The following PLEK variants were observed in gnomAD, a reference collection of about 807,000 sequenced individuals.
PLEK encodes the protein platelet 47 kDa protein.
In PLEK, 25 loss-of-function variants were observed where a neutral mutation model predicts 43.9. The ratio of observed to expected loss-of-function variants is 0.57; its 90% CI spans 0.41 to 0.79. The LOEUF is 0.79. Among genes scored for constraint, PLEK ranks in the 30% least tolerant of loss-of-function variants. PLEK has a pLI of 0.00. For missense variants in PLEK, 396 were observed against 413.3 expected, an observed-to-expected ratio of 0.96 and a Z score of 0.36; for synonymous variants, 152 against 144.4, an observed-to-expected ratio of 1.05 and a Z score of -0.38.
chr2:68,366,321 G>A (rs1573066012), intron 1 of PLEK, among the ~76,000 whole-genome samples: 1 of 152,200 alleles, frequency 6.6e-6, no homozygotes, highest in African/African-American at 2.4e-5. Flanking sequence ...AACCTACAAT[G>A]TTCTACCTGT....
chr2:68,383,771 C>T (rs1673680291), intron 4 of PLEK, among the ~76,000 whole-genome samples: 1 of 152,092 alleles, frequency 6.6e-6, no homozygotes, highest in African/African-American at 2.4e-5. Context: ...AATGTGGAAT[C>T]TAAGAGGATG....
intron 3 of PLEK, among the ~76,000 whole-genome samples, chr2:68,382,082 A>T (rs1172456820): frequency 6.6e-6 from 1 of 152,182 alleles, no homozygotes; most frequent in Admixed American, 6.5e-5. Flanking sequence ...TGCTTAGTGG[A>T]AGCATTCACT....
intron 6 of PLEK, among the ~76,000 whole-genome samples, chr2:68,390,723 A>T (rs1210165325): frequency 6.6e-6 from 1 of 152,202 alleles, no homozygotes; most frequent in East Asian, 1.9e-4. Flanking sequence ...AGCCAGGATT[A>T]ACTTCATAGA....
At chr2:68,376,412 T>C (rs1673501973) in intron 1 of PLEK, among the ~76,000 whole-genome samples, 1 of 152,220 alleles carries the variant, frequency 6.6e-6, no homozygotes, top group African/African-American at 2.4e-5. Context: ...CCTGAAGGCA[T>C]CCTTCCTGCG....
chr2:68,367,638 T>C (rs1673309124), intron 1 of PLEK, among the ~76,000 whole-genome samples: 1 of 152,206 alleles, frequency 6.6e-6, no homozygotes, highest in Non-Finnish European at 1.5e-5. Flanking sequence ...GACATATAAT[T>C]GGTGTACATA....
intron 3 of PLEK, 106 bp downstream of exon 3, chr2:68,381,010 T>C: frequency 1.1e-6 from 1 of 939,344 alleles, no homozygotes; most frequent in African/African-American, 1.6e-5. Flanking sequence ...TTGTATCCAC[T>C]CTGCCAGGTC....
chr2:68,388,405 T>G lies in PLEK; in HGVS notation c.676T>G (p.Cys226Gly). The part of the protein sequence containing the change: ...FYYFPDSGFF[C>G]EENSSDDDVI... ...CCAACAGCCAGACAGTGGGTTCTTCTGTGAAGAGAATTCCAGTGATGATGA... is the reference window on the plus strand; with the variant it reads ...CCAACAGCCAGACAGTGGGTTCTTCGGTGAAGAGAATTCCAGTGATGATGA... Residue 226 changes from cysteine to glycine, a missense_variant, in exon 6 of 9, where the codon TGT becomes GGT. Coordinates refer to ENST00000234313, the MANE Select transcript of PLEK (RefSeq NM_002664.3). 1.9e-6 allele frequency: 3 copies of G among 1,607,968 alleles called. No individual in the cohort carries two copies. The highest frequency in any genetic ancestry group is 1.7e-6 in the Non-Finnish European group (2 of 1,174,394).
Position 68,380,417 on chromosome 2 carries a change from C to T in PLEK, c.132C>T (p.Pro44=). The change falls in exon 2 of 9, where the codon CCC becomes CCT. Residue 44 remains proline (P), a synonymous_variant. Coordinates refer to ENST00000234313, the MANE Select transcript of PLEK (RefSeq NM_002664.3). ...ATAAGAAGAAAAGTGACAACAGCCC[C>T]AAAGGAATGATCCCGCTGAAAGGGA... is the stretch of plus-strand genomic sequence containing the variant. ...EFYKKKSDNS[P]KGMIPLKGST... is the part of the protein sequence containing the mutation. 1.1e-5 allele frequency: 17 copies of T among 1,613,864 alleles called. No homozygotes were observed. The highest frequency in any genetic ancestry group is 1.4e-5 in the Non-Finnish European group (17 of 1,179,770).
Position 68,395,767 on chromosome 2 carries a change from G to T in PLEK, c.1004G>T (p.Arg335Leu). ...YFLQAATPKE[R>L]TEWIRAIQMA... The stretch of plus-strand genomic sequence containing the variant: ...TTGCAAGCAGCCACCCCCAAGGAGC[G>T]CACAGAGTGGATCAGAGCCATCCAG... Residue 335 changes from arginine to leucine, a missense_variant, in exon 9 of 9, where the codon CGC becomes CTC. Coordinates refer to ENST00000234313, the MANE Select transcript of PLEK (RefSeq NM_002664.3). 3.7e-6 allele frequency: 6 copies of T among 1,613,558 alleles called. No individual in the cohort carries two copies. Among genetic ancestry groups the T allele is most frequent in the East Asian group, 2.2e-5 (1 of 44,856 alleles).
intron 1 of PLEK, among the ~76,000 whole-genome samples, chr2:68,375,225 G>A (rs1273058465): frequency 6.6e-6 from 1 of 152,086 alleles, no homozygotes; most frequent in Non-Finnish European, 1.5e-5. Context: ...GAAAATGCTA[G>A]GTACTCTAGC....
At chr2:68,392,538 A>G (rs1347061770) in intron 6 of PLEK, among the ~76,000 whole-genome samples, 2 of 152,152 alleles carry the variant, frequency 1.3e-5, no homozygotes, top group African/African-American at 2.4e-5. Flanking sequence ...GCTACTCTTC[A>G]TGAACCCTAC....
chr2:68,394,326 C>A (rs915495085), intron 8 of PLEK, 150 bp downstream of exon 8: 6 of 652,758 alleles, frequency 9.2e-6, no homozygotes, highest in Non-Finnish European at 1.7e-5. Flanking sequence ...AATCCCGGCA[C>A]TTTGGGAGGC....
chr2:68,368,982 G>A (rs371130669), intron 1 of PLEK, among the ~76,000 whole-genome samples: 6 of 152,324 alleles, frequency 3.9e-5, no homozygotes, highest in African/African-American at 1.2e-4. Flanking sequence ...AGCTGTGGTA[G>A]AAGTGGAAGA....
chr2:68,393,250 G>A lies in PLEK; in HGVS notation c.846+5G>A. On this transcript the variant is annotated splice_donor_5th_base_variant and intron_variant, in intron 7 of 8. Coordinates refer to ENST00000234313, the MANE Select transcript of PLEK (RefSeq NM_002664.3). ...CACTACTATGACCCTGCTGGGGTAA[G>A]GTCCTGTGGTTCATAAATCCATTCA... 2.5e-6 allele frequency: 4 copies of A among 1,569,412 alleles called. No homozygotes were observed. The highest frequency in any genetic ancestry group is 3.5e-6 in the Non-Finnish European group (4 of 1,139,410).
chr2:68,372,216 C>T (rs1026635979), intron 1 of PLEK, among the ~76,000 whole-genome samples: 1 of 151,620 alleles, frequency 6.6e-6, no homozygotes, highest in South Asian at 2.1e-4. Flanking sequence ...CTCTGTTGCC[C>T]AGGCTGGAGT....
intron 8 of PLEK, among the ~76,000 whole-genome samples, chr2:68,395,078 T>C (rs1230452416): frequency 6.6e-6 from 1 of 152,148 alleles, no homozygotes; most frequent in Non-Finnish European, 1.5e-5. Flanking sequence ...GGTTATTGCC[T>C]TTTAGTCTTC....
chr2:68,389,808 T>C (rs1290059915), intron 6 of PLEK, among the ~76,000 whole-genome samples: 1 of 152,062 alleles, frequency 6.6e-6, no homozygotes, highest in Non-Finnish European at 1.5e-5. Flanking sequence ...CTACGGACAG[T>C]TTGCCCGCTG....
At chr2:68,375,770 C>A (rs1673490255) in intron 1 of PLEK, among the ~76,000 whole-genome samples, 3 of 152,124 alleles carry the variant, frequency 2.0e-5, no homozygotes, top group Admixed American at 2.0e-4. Context: ...TTGTGGTAGT[C>A]ATGACAGGGT....
Position 68,386,549 on chromosome 2 carries a change from C to T in PLEK, c.520C>T (p.Arg174Cys), listed in dbSNP as rs140933780. 2.0e-3 allele frequency: 3,232 copies of T among 1,613,750 alleles called. 5 individuals are homozygous for T. Among genetic ancestry groups the T allele is most frequent in the Non-Finnish European group, 2.2e-3 (2,644 of 1,179,748 alleles). ...GGTATCCAACCAGTCTGTTAGGAAT[C>T]GCCAGGAAGGCCTCATGATTGCTTC... ...WLVSNQSVRN[R>C]QEGLMIASSL... The change falls in exon 5 of 9, where the codon CGC (arginine) becomes TGC (cysteine). Residue 174 changes from arginine to cysteine, a missense_variant. Physicochemically the swap from Arg to Cys is radical, Grantham distance 180. Transcript: ENST00000234313.
Sources: allele counts gnomAD v4.1 joint callset (sites outside exome capture counted in the v4.1 genomes callset), GRCh38; gene constraint gnomAD v4.1.1; transcripts MANE v1.5; gene names NCBI Gene and HGNC (gene_info 2026-07-23, HGNC 2026-07-21).